Variants in CFAP47 observed in about 807,000 individuals in gnomAD.
CFAP47 encodes cilia- and flagella-associated protein 47.
A neutral mutation model predicts 148.1 loss-of-function variants in CFAP47; 29 were observed. That is an observed-to-expected ratio of 0.20 (90% CI 0.15 to 0.27). The LOEUF (loss-of-function observed/expected upper bound fraction) is 0.27, where lower values mean the gene tolerates loss of function less well. CFAP47 is among the 10% of genes least tolerant of loss of function. CFAP47 has a pLI of 1.00. For synonymous variants in CFAP47, 664 were observed against 577.3 expected, an observed-to-expected ratio of 1.15 and a Z score of -2.15; for missense variants, 1,872 against 1,697.5, an observed-to-expected ratio of 1.10 and a Z score of -1.81.
At chrX:36,168,836 G>A (rs1409967434) in intron 39 of CFAP47, among the ~76,000 whole-genome samples, 1 of 112,032 alleles carries the variant, frequency 8.9e-6, no homozygotes, top group Non-Finnish European at 1.9e-5. Context: ...CTTTCTTCAT[G>A]CCTTTTATTA....
chrX:36,262,358 C>A (rs1940838965), intron 49 of CFAP47, among the ~76,000 whole-genome samples: 1 of 111,371 alleles, frequency 9.0e-6, no homozygotes, highest in Non-Finnish European at 1.9e-5. Context: ...TTCCTACCTC[C>A]CACCAACCCC....
chrX:36,250,731 TAAA>T (rs1187983292), intron 48 of CFAP47, among the ~76,000 whole-genome samples: 1 of 110,241 alleles, frequency 9.1e-6, no homozygotes, highest in Non-Finnish European at 1.9e-5. Flanking sequence ...GTATGCTAAA[TAAA>T]AAAGTCAGTG....
intron 8 of CFAP47, among the ~76,000 whole-genome samples, chrX:35,962,701 A>G (rs1002300361): frequency 9.0e-6 from 1 of 110,791 alleles, no homozygotes; most frequent in African/African-American, 3.3e-5. Flanking sequence ...TTTGTATACA[A>G]TGTGTACCTC....
intron 2 of CFAP47, among the ~76,000 whole-genome samples, chrX:35,927,288 G>A (rs1189277767): frequency 9.0e-6 from 1 of 111,692 alleles, no homozygotes; most frequent in African/African-American, 3.3e-5. Context: ...GAATCAAACA[G>A]TAGACACATG....
At chrX:35,946,245 C>G (rs1350461387) in intron 3 of CFAP47, among the ~76,000 whole-genome samples, 1 of 111,612 alleles carries the variant, frequency 9.0e-6, no homozygotes, top group Non-Finnish European at 1.9e-5. Flanking sequence ...ATTTAAAAAG[C>G]CAAACAAATG....
intron 62 of CFAP47, among the ~76,000 whole-genome samples, chrX:36,371,525 GTA>G (rs1218445593): frequency 7.6e-5 from 8 of 104,720 alleles, no homozygotes; most frequent in Admixed American, 3.1e-4. Flanking sequence ...ATATATGTGT[GTA>G]TATATATGTG....
intron 8 of CFAP47, among the ~76,000 whole-genome samples, chrX:35,963,025 C>T (rs1003181830): frequency 2.0e-5 from 2 of 102,515 alleles, no homozygotes; most frequent in East Asian, 3.3e-4. Context: ...TTGTCATTTG[C>T]GAAACATGGA....
In CFAP47 at chrX:36,073,036, T is replaced by G. The variant is rs1037659627; in HGVS notation, c.4466-103T>G. 16 of 512,891 alleles carry G rather than the reference T, an allele frequency of 3.1e-5. No homozygotes were observed. The African/African-American group carries it at 3.8e-4, about 12-fold the overall frequency. 42.3% of individuals were successfully genotyped at this position (512,891 alleles called of 1,213,427 possible). On this transcript the variant is annotated intron_variant, in intron 28 of 63. Transcript: ENST00000378653. ...ATTTCTTTGAGAGCATAGAATAATTTGTAGAATAGGTTCTATTAGTCTGCA... is the reference window on the plus strand; with the variant it reads ...ATTTCTTTGAGAGCATAGAATAATTGGTAGAATAGGTTCTATTAGTCTGCA...
At chrX:36,099,656 T>C in intron 31 of CFAP47, 95 bp from the exon 32 acceptor site, 1 of 431,876 alleles carries the variant, frequency 2.3e-6, no homozygotes. Context: ...TTGATTAAAG[T>C]ATAGAAAAGG....
At chrX:36,204,623 T>A (rs917305106) in intron 44 of CFAP47, among the ~76,000 whole-genome samples, 1 of 111,564 alleles carries the variant, frequency 9.0e-6, no homozygotes, top group African/African-American at 3.3e-5. Flanking sequence ...TGGGTAGATA[T>A]GAAGGAGTAC....
chrX:36,149,030 G>T, intron 36 of CFAP47, 78 bp from the exon 37 acceptor site: 2 of 235,519 alleles, frequency 8.5e-6, no homozygotes, highest in Non-Finnish European at 1.5e-5. Flanking sequence ...TGCTATCTTT[G>T]ATAAAAATAA....
chrX:36,175,192 A>T (rs1348206848), intron 39 of CFAP47, among the ~76,000 whole-genome samples: 1 of 110,639 alleles, frequency 9.0e-6, no homozygotes, highest in Admixed American at 9.6e-5. Context: ...TATTCTAGTT[A>T]TACATTCTTC....
intron 45 of CFAP47, among the ~76,000 whole-genome samples, chrX:36,221,895 C>T (rs150191579): frequency 2.9e-3 from 327 of 111,410 alleles, no homozygotes; most frequent in African/African-American, 0.01. Context: ...TTAGACCTCT[C>T]TCAATAATTG....
At chrX:36,068,501 A>G (rs1194059375) in intron 27 of CFAP47, among the ~76,000 whole-genome samples, 1 of 111,797 alleles carries the variant, frequency 8.9e-6, no homozygotes, top group Non-Finnish European at 1.9e-5. Flanking sequence ...TCTTTTAGCT[A>G]TATATTTTCA....
intron 22 of CFAP47, among the ~76,000 whole-genome samples, chrX:36,020,056 T>C (rs1937140202): frequency 8.9e-6 from 1 of 112,018 alleles, no homozygotes; most frequent in Non-Finnish European, 1.9e-5. Context: ...TAGACACTTA[T>C]AGCTATAAAC....
Position 36,233,744 on chromosome X carries a change from G to A in CFAP47, c.7015-2190G>A, listed in dbSNP as rs1400526416. Among the ~76,000 whole-genome samples, 3 of 111,285 alleles carry A rather than the reference G, an allele frequency of 2.7e-5. No homozygotes were observed. The Admixed American group carries it at 2.9e-4, about 11-fold the overall frequency. The stretch of plus-strand genomic sequence containing the variant: ...TTACAATTTGGCATGATTTTGCAGT[G>A]GCTGGTACCGGTTGTTCCTTTCCAT... On this transcript the variant is annotated intron_variant, in intron 46 of 63. Coordinates refer to ENST00000378653, the MANE Select transcript of CFAP47 (RefSeq NM_001304548.2).
intron 56 of CFAP47, 34 bp from the exon 57 acceptor site, chrX:36,319,175 A>T: frequency 1.3e-6 from 1 of 761,919 alleles, no homozygotes; most frequent in East Asian, 4.0e-5. Flanking sequence ...TGAATGTGAC[A>T]TTGAAGTGTA....
intron 21 of CFAP47, among the ~76,000 whole-genome samples, chrX:36,012,458 A>G (rs1601930559): frequency 8.9e-6 from 1 of 112,294 alleles, no homozygotes; most frequent in Admixed American, 9.4e-5. Context: ...AACGTGACAC[A>G]TATACACCAT....
intron 8 of CFAP47, among the ~76,000 whole-genome samples, chrX:35,958,712 C>T (rs1390875594): frequency 9.0e-6 from 1 of 111,567 alleles, no homozygotes; most frequent in African/African-American, 3.3e-5. Context: ...CTATGATAGG[C>T]AGAATAATGG....
Sources: gnomAD v4.1 joint callset for allele counts (sites outside exome capture counted in the v4.1 genomes callset) on GRCh38, gnomAD v4.1.1 for gene constraint, MANE v1.5 for transcripts, NCBI Gene and HGNC (gene_info 2026-07-23, HGNC 2026-07-21) for gene names.